Variants in RPGRIP1L observed in about 807,000 individuals in gnomAD.
RPGRIP1L encodes the protein RPGRIP1 like.
A neutral mutation model predicts 160.4 loss-of-function variants in RPGRIP1L; 131 were observed. The observed-to-expected ratio is 0.82, with a 90% CI of 0.71 to 0.94. The LOEUF (loss-of-function observed/expected upper bound fraction) is 0.94, where lower values mean the gene tolerates loss of function less well. RPGRIP1L is among the 40% of genes least tolerant of loss of function. RPGRIP1L has a pLI of 0.00. For synonymous variants in RPGRIP1L, 510 were observed against 515.8 expected (o/e 0.99, Z 0.15); for missense variants, 1,522 against 1,535.8 (o/e 0.99, Z 0.15).
Position 53,658,817 on chromosome 16 carries a change from C to T in RPGRIP1L, c.1305G>A (p.Lys435=), listed in dbSNP as rs781386190. ...GTTTTTTAAGTTCATCAAGTTGTTG[C>T]TTTTGTTCCAGATACTGTAACTGTA... ...RELQLQYLEQ[K]QQLDELKKRI... The change falls in exon 11 of 27, where the codon AAG becomes AAA. Residue 435 remains lysine (K), a synonymous_variant. Coordinates refer to ENST00000647211, the MANE Select transcript of RPGRIP1L (RefSeq NM_015272.5). 1.9e-6 allele frequency: 3 copies of T among 1,609,172 alleles called. No individual in the cohort carries two copies. In the South Asian group the frequency reaches 3.3e-5, roughly 18 times the overall value.
At chr16:53,644,606 A>G (rs1296009672) in intron 17 of RPGRIP1L, among the ~76,000 whole-genome samples, 1 of 152,218 alleles carries the variant, frequency 6.6e-6, no homozygotes, top group African/African-American at 2.4e-5. Context: ...GAGAACCACA[A>G]TAAAATTAAC....
In RPGRIP1L at chr16:53,622,372, A is replaced by T. The variant is rs1168448437; in HGVS notation, c.3295-16T>A. On this transcript the variant is annotated splice_polypyrimidine_tract_variant and intron_variant, in intron 22 of 26. Transcript: ENST00000647211. ...ATGCGAGACTCTGTCTCAAAAAAAA[A>T]AAAAAAATCTTAAGATTAAGAAGCA... 1 of 622,104 alleles carries T rather than the reference A, an allele frequency of 1.6e-6. No homozygotes were observed. Among genetic ancestry groups the T allele is most frequent in the Non-Finnish European group, 2.9e-6 (1 of 345,384 alleles). 38.5% of individuals were successfully genotyped at this position (622,104 alleles called of 1,614,324 possible).
At chr16:53,698,771 G>A (rs1270656914) in intron 2 of RPGRIP1L, among the ~76,000 whole-genome samples, 1 of 149,766 alleles carries the variant, frequency 6.7e-6, no homozygotes, top group African/African-American at 2.5e-5. Flanking sequence ...GAGGTGGGGG[G>A]GTCAGCCCCC....
At position 53,635,747 on chromosome 16, in the gene RPGRIP1L, A is replaced by C. The variant is rs528297982; in HGVS notation, c.3294+692T>G. ...AAGTACAATTAATCACTTAAGAAAA[A>C]TTAACATAGATGAATAGAAAAAGCT... On this transcript the variant is annotated intron_variant, in intron 22 of 26. Transcript: ENST00000647211. 3 of 152,338 alleles carry C rather than the reference A, an allele frequency of 2.0e-5. No homozygotes were observed. The South Asian group carries it at 6.2e-4, about 32-fold the overall frequency. 9.4% of individuals were successfully genotyped at this position (152,338 alleles called of 1,614,324 possible).
intron 22 of RPGRIP1L, among the ~76,000 whole-genome samples, chr16:53,626,646 G>T (rs1241842373): frequency 2.0e-5 from 3 of 151,648 alleles, no homozygotes; most frequent in African/African-American, 7.3e-5. Context: ...CTCTACTAAA[G>T]ATACAAAAAT....
At chr16:53,666,898 T>C (rs1235100823) in intron 9 of RPGRIP1L, among the ~76,000 whole-genome samples, 7 of 152,166 alleles carry the variant, frequency 4.6e-5, no homozygotes. Context: ...TTTAGTCCAC[T>C]GCTATCTTCC....
Position 53,648,620 on chromosome 16 carries a change from GCGCGCGCACA to G in RPGRIP1L, c.2304+334_2304+343del, listed in dbSNP as rs1335541815. On this transcript the variant is annotated intron_variant, in intron 16 of 26. Transcript: ENST00000647211. ...CACATATACGTACGCGCGTGCGCGC[GCGCGCGCACA>G]CACACACACACACACACACACACAC... is the stretch of plus-strand genomic sequence containing the variant. Among the ~76,000 whole-genome samples, 35 of 62,484 alleles carry G rather than the reference GCGCGCGCACA, an allele frequency of 5.6e-4. No homozygotes were observed. In the South Asian group the frequency reaches 5.8e-3, roughly 10 times the overall value. 41.0% of individuals were successfully genotyped at this position (62,484 alleles called of 152,430 possible).
chr16:53,701,609 G>A (rs1971400599), intron 1 of RPGRIP1L: 1 of 151,176 alleles, frequency 6.6e-6, no homozygotes, highest in Non-Finnish European at 1.5e-5. Context: ...TACTCTAAAG[G>A]GCAGAGTTCT....
At chr16:53,614,492 T>C (rs151312503) in intron 24 of RPGRIP1L, among the ~76,000 whole-genome samples, 13 of 152,322 alleles carry the variant, frequency 8.5e-5, no homozygotes, top group African/African-American at 2.9e-4. Flanking sequence ...GTTCTACACA[T>C]TGAGAAACAT....
chr16:53,698,056 C>G (rs1567896662), intron 2 of RPGRIP1L, among the ~76,000 whole-genome samples: 2 of 150,930 alleles, frequency 1.3e-5, no homozygotes, highest in Non-Finnish European at 3.0e-5. Context: ...CGGCCGCAAC[C>G]CTGTCTGGGA....
In RPGRIP1L at chr16:53,636,353, A is replaced by C. The variant is rs1351893696; in HGVS notation, c.3294+86T>G. ...TTTTCCAGAAATAGTTTTCCTTAAG[A>C]TTTTTATATATGAAGACTACATATG... On this transcript the variant is annotated intron_variant, in intron 22 of 26. Coordinates refer to ENST00000647211, the MANE Select transcript of RPGRIP1L (RefSeq NM_015272.5). The C allele has an allele frequency of 2.0e-5, 19 of 961,318 alleles. No homozygotes were observed. The East Asian group carries it at 3.9e-4, about 20-fold the overall frequency. 59.5% of individuals were successfully genotyped at this position (961,318 alleles called of 1,614,324 possible). A position where few individuals can be genotyped will look rare whatever the true frequency, so the allele number is the denominator to read the frequency against.
At position 53,599,322 on chromosome 16, in the gene RPGRIP1L, G is replaced by T. The variant is rs1282863260; in HGVS notation, c.*2754C>A. ...TTTAAGTTAAATGGCAGTAAACCAT[G>T]ATAATTTAGAAAACATGGTGAAACT... On this transcript the variant is annotated 3_prime_UTR_variant, in exon 27 of 27. Transcript: ENST00000647211. 1 of 152,192 alleles carries T rather than the reference G, an allele frequency of 6.6e-6. No individual in the cohort carries two copies. Among genetic ancestry groups the T allele is most frequent in the African/African-American group, 2.4e-5 (1 of 41,446 alleles). The allele number at this position is 152,192 out of a possible 1,614,324, so 9.4% of individuals were successfully genotyped here. A position where few individuals can be genotyped will look rare whatever the true frequency, so the allele number is the denominator to read the frequency against.
chr16:53,684,508 C>T (rs1165525552), intron 6 of RPGRIP1L, among the ~76,000 whole-genome samples: 1 of 151,906 alleles, frequency 6.6e-6, no homozygotes, highest in Non-Finnish European at 1.5e-5. Flanking sequence ...AAACCAAACA[C>T]CGCATGTTCT....
intron 2 of RPGRIP1L, 62 bp from the exon 3 acceptor site, chr16:53,696,357 A>G (rs1970759344): frequency 5.2e-6 from 8 of 1,541,868 alleles, no homozygotes; most frequent in Non-Finnish European, 5.4e-6. Flanking sequence ...GAAACTCTTG[A>G]TATTAATATA....
chr16:53,652,534 C>A lies in RPGRIP1L; in HGVS notation c.2152+1G>T, dbSNP rs1006433886. 2 of 1,610,088 alleles carry A rather than the reference C, an allele frequency of 1.2e-6. No homozygotes were observed. Among genetic ancestry groups the A allele is most frequent in the Non-Finnish European group, 1.7e-6 (2 of 1,176,520 alleles). On this transcript the variant is annotated splice_donor_variant, in intron 15 of 26. Coordinates refer to ENST00000647211, the MANE Select transcript of RPGRIP1L (RefSeq NM_015272.5). LOFTEE classifies it high-confidence loss of function. ...ACCCAAGGCTTATACATTGTACTTA[C>A]CAATCAAACTTGCTGTACAAAATAT...
intron 6 of RPGRIP1L, among the ~76,000 whole-genome samples, chr16:53,681,072 T>C (rs946699181): frequency 1.3e-5 from 2 of 152,066 alleles, no homozygotes; most frequent in African/African-American, 4.8e-5. Context: ...TAACCTAGAG[T>C]GCTAGAAAGT....
chr16:53,652,514 A>C, intron 15 of RPGRIP1L, 21 bp downstream of exon 15: 10 of 1,583,654 alleles, frequency 6.3e-6, no homozygotes, highest in Non-Finnish European at 8.7e-6. Flanking sequence ...CAAACACCCA[A>C]GGCTTATACA....
rs1359815562 is a variant in RPGRIP1L at position 53,670,241 on chromosome 16, ATTTG to A, written c.1103+1265_1103+1268del. The stretch of plus-strand genomic sequence containing the variant: ...CCTATCCCCACACTCCTTGGGTATA[ATTTG>A]TTTAATTTACAAAATGTAAATTTAA... On this transcript the variant is annotated intron_variant, in intron 9 of 26. Coordinates refer to ENST00000647211, the MANE Select transcript of RPGRIP1L (RefSeq NM_015272.5). Among the ~76,000 whole-genome samples, 3 of 152,212 alleles carry A rather than the reference ATTTG, an allele frequency of 2.0e-5. No individual in the cohort carries two copies. In the East Asian group the frequency reaches 5.8e-4, roughly 29 times the overall value.
intron 6 of RPGRIP1L, 84 bp downstream of exon 6, chr16:53,686,349 A>G: frequency 1.4e-6 from 2 of 1,398,296 alleles, no homozygotes; most frequent in Non-Finnish European, 1.0e-6. Flanking sequence ...AATAGACTAG[A>G]TAAACTTATC....
Sources: allele counts gnomAD v4.1 joint callset (sites outside exome capture counted in the v4.1 genomes callset), GRCh38; gene constraint gnomAD v4.1.1; transcripts MANE v1.5; gene names NCBI Gene and HGNC (gene_info 2026-07-23, HGNC 2026-07-21).